Variants in RNASEH2B observed in about 807,000 individuals in gnomAD.
RNASEH2B encodes Aicardi-Goutieres syndrome 2 protein.
A neutral mutation model predicts 45.0 loss-of-function variants in RNASEH2B; 36 were observed. The observed-to-expected ratio is 0.80, with a 90% CI of 0.61 to 1.06. RNASEH2B has a LOEUF of 1.06. Ranked by LOEUF, RNASEH2B falls within the 50% of genes least tolerant of loss-of-function variation. The probability of loss-of-function intolerance (pLI) is 0.00; values close to 1 mark genes in which losing one functional copy is unlikely to be tolerated. For missense variants in RNASEH2B, 361 were observed against 360.3 expected, an observed-to-expected ratio of 1.00 and a Z score of -0.02; for synonymous variants, 119 against 125.7, an observed-to-expected ratio of 0.95 and a Z score of 0.35.
intron 6 of RNASEH2B, among the ~76,000 whole-genome samples, chr13:50,944,098 G>A (rs760570301): frequency 9.9e-5 from 15 of 151,930 alleles, no homozygotes; most frequent in Non-Finnish European, 2.2e-4. Flanking sequence ...ATATAGCAGA[G>A]GAAGGGCAGG....
intron 6 of RNASEH2B, 56 bp downstream of exon 6, chr13:50,943,450 A>C: frequency 8.0e-7 from 1 of 1,247,110 alleles, no homozygotes. Flanking sequence ...TCTCTAAGAA[A>C]TTTTCAGAGA....
At chr13:50,947,555 CT>C (rs1951918896) in intron 7 of RNASEH2B, among the ~76,000 whole-genome samples, 2 of 150,906 alleles carry the variant, frequency 1.3e-5, no homozygotes, top group African/African-American at 4.8e-5. Context: ...ACACTCATTA[CT>C]GTTGAATAAT....
At position 50,926,606 on chromosome 13, in the gene RNASEH2B, G is replaced by T. The variant is rs184023923; in HGVS notation, c.65-801G>T. Among the ~76,000 whole-genome samples, 140 of 152,124 alleles carry T rather than the reference G, an allele frequency of 9.2e-4. 1 individual carries two copies. The highest frequency in any genetic ancestry group is 3.2e-3 in the African/African-American group (131 of 41,524). Reference sequence around the variant, plus strand: ...TCTTAATATCTTATACCCAGATATAGTCCAGATAGGTTAAAAATATAATTT... The same window carrying T: ...TCTTAATATCTTATACCCAGATATATTCCAGATAGGTTAAAAATATAATTT... On this transcript the variant is annotated intron_variant, in intron 1 of 10. Coordinates refer to ENST00000336617, the MANE Select transcript of RNASEH2B (RefSeq NM_024570.4).
intron 5 of RNASEH2B, 192 bp from the exon 6 acceptor site, chr13:50,943,129 G>T: frequency 2.0e-6 from 1 of 508,882 alleles, no homozygotes. Flanking sequence ...AGTGGTTGAT[G>T]ACTCCTGAGG....
intron 1 of RNASEH2B, among the ~76,000 whole-genome samples, chr13:50,917,662 A>G (rs1418368050): frequency 6.6e-6 from 1 of 152,202 alleles, no homozygotes; most frequent in Admixed American, 6.5e-5. Flanking sequence ...TCAACATACA[A>G]TAGAAATCCA....
chr13:50,947,592 C>T (rs1951919333), intron 7 of RNASEH2B, among the ~76,000 whole-genome samples: 1 of 151,912 alleles, frequency 6.6e-6, no homozygotes, highest in African/African-American at 2.4e-5. Flanking sequence ...TTGAAGCAGG[C>T]TTAGAAAAGA....
At chr13:50,968,622 AATTTT>A (rs1258352135) in intron 9 of RNASEH2B, among the ~76,000 whole-genome samples, 2 of 152,126 alleles carry the variant, frequency 1.3e-5, no homozygotes, top group Non-Finnish European at 2.9e-5. Context: ...TTTAATTGCA[AATTTT>A]ATTTTAAGAA....
Position 50,934,887 on chromosome 13 carries a change from G to A in RNASEH2B, c.324G>A (p.Gly108=), listed in dbSNP as rs760734846. 1.9e-5 allele frequency: 30 copies of A among 1,605,436 alleles called. No individual in the cohort carries two copies. The highest frequency in any genetic ancestry group is 2.6e-5 in the Non-Finnish European group (30 of 1,172,978). ...TTTCCAACTAACTGTTTTTTCAGGG[G>A]AAGTTTCAGCCCCTTGATCAAGTTG... is the stretch of plus-strand genomic sequence containing the variant. ...LHYLIKADKE[G]KFQPLDQVVV... Residue 108 remains glycine, a splice_region_variant and synonymous_variant, in exon 5 of 11, where the codon GGG becomes GGA. Transcript: ENST00000336617.
intron 7 of RNASEH2B, 65 bp from the exon 8 acceptor site, chr13:50,947,922 A>C: frequency 6.3e-7 from 1 of 1,596,912 alleles, no homozygotes; most frequent in South Asian, 1.1e-5. Flanking sequence ...GGTCAATTTG[A>C]CTATAAAACC....
chr13:50,960,035 A>C (rs1952095493), downstream of RNASEH2B: 2 of 399,120 alleles, frequency 5.0e-6, no homozygotes, highest in Non-Finnish European at 8.6e-6. Flanking sequence ...AGTCTTAAGA[A>C]TACCTTTCAC....
intron 4 of RNASEH2B, among the ~76,000 whole-genome samples, chr13:50,931,631 A>G (rs1355615279): frequency 6.6e-6 from 1 of 152,240 alleles, no homozygotes; most frequent in African/African-American, 2.4e-5. Context: ...GTAGGATTAT[A>G]TGAAAAATAT....
chr13:50,918,239 G>A (rs986211918), intron 1 of RNASEH2B, among the ~76,000 whole-genome samples: 2 of 152,210 alleles, frequency 1.3e-5, no homozygotes, highest in South Asian at 2.1e-4. Flanking sequence ...CCAGGTTCAC[G>A]CCATTCTCCT....
At chr13:50,914,692 G>T (rs1040137374) in intron 1 of RNASEH2B, among the ~76,000 whole-genome samples, 2 of 152,188 alleles carry the variant, frequency 1.3e-5, no homozygotes, top group African/African-American at 4.8e-5. Context: ...GGTGTAATCA[G>T]GCTGTTTCCA....
intron 5 of RNASEH2B, chr13:50,936,840 C>T (rs975821191): frequency 3.3e-5 from 5 of 152,186 alleles, no homozygotes; most frequent in African/African-American, 1.2e-4. Flanking sequence ...GAGGCTCTCT[C>T]TGTGTCATCC....
chr13:50,925,362 C>T (rs1445311969), intron 1 of RNASEH2B, among the ~76,000 whole-genome samples: 1 of 152,074 alleles, frequency 6.6e-6, no homozygotes, highest in African/African-American at 2.4e-5. Flanking sequence ...CCATATTTTT[C>T]TGCTTCTTTG....
At chr13:50,953,207 C>G (rs1177842278) in intron 9 of RNASEH2B, 1 of 152,294 alleles carries the variant, frequency 6.6e-6, no homozygotes, top group Non-Finnish European at 1.5e-5. Flanking sequence ...ATATTGTGAT[C>G]ATTAAGGCCT....
At position 50,934,928 on chromosome 13, in the gene RNASEH2B, T is replaced by G. The variant is rs751788888; in HGVS notation, c.365T>G (p.Phe122Cys). The change falls in exon 5 of 11, where the codon TTT becomes TGT. Residue 122 changes from phenylalanine to cysteine, a missense_variant. Transcript: ENST00000336617. The stretch of plus-strand genomic sequence containing the variant: ...GATCAAGTTGTGGTGGATAACGTGT[T>G]TCCAAATTGCATCTTGTTGCTGAAA... ...PLDQVVVDNVFPNCILLLKLP... is the reference protein window; with the variant it reads ...PLDQVVVDNVCPNCILLLKLP... The G allele has an allele frequency of 1.9e-6, 3 of 1,613,988 alleles. No individual in the cohort carries two copies. Among genetic ancestry groups the G allele is most frequent in the Non-Finnish European group, 2.5e-6 (3 of 1,179,952 alleles).
At chr13:50,935,236 G>A in intron 5 of RNASEH2B, 1 of 521,192 alleles carries the variant, frequency 1.9e-6, no homozygotes. Flanking sequence ...ATCACAAGGT[G>A]TGGCTTCAGT....
intron 7 of RNASEH2B, among the ~76,000 whole-genome samples, chr13:50,946,839 A>G (rs1157892420): frequency 6.6e-6 from 1 of 152,180 alleles, no homozygotes; most frequent in Non-Finnish European, 1.5e-5. Flanking sequence ...GTTTGGTACC[A>G]GAAGCAGCAA....
Sources: allele counts gnomAD v4.1 joint callset (sites outside exome capture counted in the v4.1 genomes callset), GRCh38; gene constraint gnomAD v4.1.1; transcripts MANE v1.5; gene names NCBI Gene and HGNC (gene_info 2026-07-23, HGNC 2026-07-21).